ARL15: variants seen among roughly 807,000 people sequenced by gnomAD.
ARL15 encodes the protein ADP-ribosylation factor-like protein 15.
ARL15 carries 19 observed loss-of-function variants against 25.2 expected under a neutral mutation model. That is an observed-to-expected ratio of 0.75 (90% CI 0.53 to 1.10). ARL15 has a LOEUF of 1.10. Among genes scored for constraint, ARL15 ranks in the 50% least tolerant of loss-of-function variants. The pLI is 0.00. For synonymous variants in ARL15, 94 were observed against 86.8 expected (o/e 1.08, Z -0.46); for missense variants, 220 against 246.0 (o/e 0.89, Z 0.71).
intron 1 of ARL15, among the ~76,000 whole-genome samples, chr5:54,184,147 C>T (rs1306590381): frequency 8.2e-6 from 1 of 122,596 alleles, no homozygotes; most frequent in Non-Finnish European, 1.7e-5. Flanking sequence ...ATACCTAATG[C>T]TAAATGACGA....
In ARL15 at chr5:54,101,787, C is replaced by T. The variant is rs866901297; in HGVS notation, c.462+11415G>A. 6.6e-5 allele frequency among the ~76,000 whole-genome samples: 10 copies of T among 152,118 alleles called. No individual in the cohort carries two copies. In the Middle Eastern group the frequency reaches 0.014, roughly 208 times the overall value. The stretch of plus-strand genomic sequence containing the variant: ...AAAATGGACTTAATTTGCTTATTAA[C>T]ATAAGTCATTAAAAAGCCAGTGTTA... On this transcript the variant is annotated intron_variant, in intron 4 of 4. Coordinates refer to ENST00000504924, the MANE Select transcript of ARL15 (RefSeq NM_019087.3).
chr5:54,035,691 A>G (rs1292089480), intron 4 of ARL15, among the ~76,000 whole-genome samples: 1 of 152,200 alleles, frequency 6.6e-6, no homozygotes, highest in African/African-American at 2.4e-5. Flanking sequence ...ACTTTTAAAT[A>G]TGAGAGCTAT....
At chr5:54,303,174 T>C (rs1187181334) in intron 1 of ARL15, among the ~76,000 whole-genome samples, 1 of 152,146 alleles carries the variant, frequency 6.6e-6, no homozygotes, top group Non-Finnish European at 1.5e-5. Context: ...TGGGAACAGC[T>C]GACTTCCCAG....
intron 4 of ARL15, among the ~76,000 whole-genome samples, chr5:54,057,559 A>G (rs1012334452): frequency 6.6e-5 from 10 of 152,252 alleles, no homozygotes; most frequent in Non-Finnish European, 1.5e-4. Context: ...CATTTAAAGC[A>G]TACTATTGAT....
chr5:54,031,725 T>C (rs1322323752), intron 4 of ARL15, among the ~76,000 whole-genome samples: 2 of 152,132 alleles, frequency 1.3e-5, no homozygotes, highest in Non-Finnish European at 2.9e-5. Flanking sequence ...CTTGTCTTTG[T>C]TGTCTAAAAA....
intron 2 of ARL15, among the ~76,000 whole-genome samples, chr5:54,156,454 T>C (rs1159578469): frequency 2.0e-5 from 3 of 152,240 alleles, no homozygotes; most frequent in African/African-American, 7.2e-5. Context: ...TAATATACGA[T>C]TGCTGGCATT....
intron 1 of ARL15, among the ~76,000 whole-genome samples, chr5:54,230,782 T>TA (rs1292253441): frequency 6.6e-6 from 1 of 152,244 alleles, no homozygotes; most frequent in Non-Finnish European, 1.5e-5. Flanking sequence ...GAGATCCCAG[T>TA]ATAATAAATT....
At chr5:54,137,988 G>C (rs1216934336) in intron 3 of ARL15, among the ~76,000 whole-genome samples, 1 of 152,072 alleles carries the variant, frequency 6.6e-6, no homozygotes, top group African/African-American at 2.4e-5. Context: ...CTTAGAAATG[G>C]TCTGGAAAAT....
At chr5:54,136,109 T>A (rs1753595381) in intron 3 of ARL15, among the ~76,000 whole-genome samples, 1 of 152,146 alleles carries the variant, frequency 6.6e-6, no homozygotes. Context: ...ATATAAGCCA[T>A]CAAGAACAAT....
rs1579884796 is a variant in ARL15 at position 54,183,850 on chromosome 5, C to A, written c.49-11922G>T. On this transcript the variant is annotated intron_variant, in intron 1 of 4. Coordinates refer to ENST00000504924, the MANE Select transcript of ARL15 (RefSeq NM_019087.3). ...CAATAGCAAAGACTTGGAACCAACCCAAATGTCCAACAATGATAGACTGGA... is the reference window on the plus strand; with the variant it reads ...CAATAGCAAAGACTTGGAACCAACCAAAATGTCCAACAATGATAGACTGGA... Among the ~76,000 whole-genome samples, 4 of 150,922 alleles carry A rather than the reference C, an allele frequency of 2.7e-5. No homozygotes were observed. The East Asian group carries it at 7.8e-4, about 29-fold the overall frequency.
intron 4 of ARL15, among the ~76,000 whole-genome samples, chr5:53,945,287 G>A (rs557540544): frequency 6.6e-6 from 1 of 152,252 alleles, no homozygotes; most frequent in Admixed American, 6.5e-5. Context: ...CTGTGAACAC[G>A]GACATGTTTG....
chr5:54,233,612 G>C (rs994361779), intron 1 of ARL15, among the ~76,000 whole-genome samples: 4 of 152,202 alleles, frequency 2.6e-5, no homozygotes, highest in African/African-American at 9.7e-5. Flanking sequence ...AGGTCCAAGA[G>C]AGACTACTGG....
chr5:53,946,919 T>C lies in ARL15; in HGVS notation c.463-60206A>G, dbSNP rs141926758. On this transcript the variant is annotated intron_variant, in intron 4 of 4. Transcript: ENST00000504924. The stretch of plus-strand genomic sequence containing the variant: ...ATGAGTCATAATCAAGCAAAGCTAA[T>C]TAATTACAGCCAAACTCTATTATAA... 2.4e-3 allele frequency among the ~76,000 whole-genome samples: 369 copies of C among 152,300 alleles called. 1 individual carries two copies. Among genetic ancestry groups the C allele is most frequent in the African/African-American group, 8.6e-3 (359 of 41,576 alleles).
intron 4 of ARL15, among the ~76,000 whole-genome samples, chr5:53,914,611 C>A (rs1337680368): frequency 6.6e-6 from 1 of 152,184 alleles, no homozygotes; most frequent in Non-Finnish European, 1.5e-5. Context: ...GACCTCAAGG[C>A]TCAGAGAGCT....
intron 4 of ARL15, among the ~76,000 whole-genome samples, chr5:54,006,322 A>G (rs1394815094): frequency 6.6e-6 from 1 of 152,162 alleles, no homozygotes; most frequent in East Asian, 1.9e-4. Flanking sequence ...AATTAAATAC[A>G]AGTATTTCAA....
intron 1 of ARL15, among the ~76,000 whole-genome samples, chr5:54,254,303 A>G (rs1333227677): frequency 1.3e-5 from 2 of 152,182 alleles, no homozygotes; most frequent in Non-Finnish European, 2.9e-5. Flanking sequence ...TACTTGCTAT[A>G]TAGCTTGTCT....
At chr5:54,090,253 C>A (rs542031908) in intron 4 of ARL15, among the ~76,000 whole-genome samples, 52 of 152,106 alleles carry the variant, frequency 3.4e-4, no homozygotes, top group Admixed American at 1.4e-3. Context: ...GACGAATAAA[C>A]CATAGCCTCA....
At chr5:53,897,194 A>G (rs1280309541) in intron 4 of ARL15, among the ~76,000 whole-genome samples, 2 of 152,226 alleles carry the variant, frequency 1.3e-5, no homozygotes, top group African/African-American at 4.8e-5. Context: ...TAATTCCAGA[A>G]CATTTCTGTC....
At chr5:54,032,241 AT>A (rs989965131) in intron 4 of ARL15, among the ~76,000 whole-genome samples, 13 of 148,242 alleles carry the variant, frequency 8.8e-5, no homozygotes, top group Non-Finnish European at 1.0e-4. Flanking sequence ...TCTTCTTCTT[AT>A]TTTTTTTTTG....
Sources: allele counts gnomAD v4.1 joint callset (sites outside exome capture counted in the v4.1 genomes callset), GRCh38; gene constraint gnomAD v4.1.1; transcripts MANE v1.5; gene names NCBI Gene and HGNC (gene_info 2026-07-23, HGNC 2026-07-21).